The following YPEL2 variants were observed in gnomAD, a reference collection of about 807,000 sequenced individuals.
The protein encoded by YPEL2 is protein yippee-like 2.
Under a neutral mutation model 19.1 loss-of-function variants are expected in YPEL2, and 2 were observed. The observed-to-expected ratio is 0.10, with a 90% CI of 0.04 to 0.33. The LOEUF is 0.33. YPEL2 is among the 10% of genes least tolerant of loss of function. The pLI is 1.00. For missense variants in YPEL2, 66 were observed against 140.7 expected (o/e 0.47, Z 2.68); for synonymous variants, 52 against 50.0 (o/e 1.04, Z -0.17).
intron 1 of YPEL2, among the ~76,000 whole-genome samples, chr17:59,337,481 G>C (rs572395600): frequency 8.5e-4 from 129 of 152,108 alleles, no homozygotes; most frequent in Non-Finnish European, 1.4e-3. Flanking sequence ...GAGCCACCGC[G>C]CCCGGCCGGG....
chr17:59,393,437 A>AT (rs1015785480), intron 4 of YPEL2, among the ~76,000 whole-genome samples: 17 of 138,708 alleles, frequency 1.2e-4, no homozygotes, highest in Admixed American at 1.4e-4. Context: ...GCCTGGCCGA[A>AT]TTTTTTTTTT....
At chr17:59,355,820 C>T (rs2147941340) in intron 2 of YPEL2, 1 of 152,326 alleles carries the variant, frequency 6.6e-6, no homozygotes, top group South Asian at 2.1e-4. Context: ...ATTCACAAGT[C>T]CAGGCCAAAG....
chr17:59,389,899 T>C (rs9898202), intron 4 of YPEL2, among the ~76,000 whole-genome samples: 1,974 of 152,308 alleles, frequency 0.013, 46 homozygotes, highest in African/African-American at 0.045. Context: ...TATTCTGTTA[T>C]TTATTTTTTA....
At chr17:59,347,426 C>T (rs538794884) in intron 1 of YPEL2, among the ~76,000 whole-genome samples, 159 of 152,316 alleles carry the variant, frequency 1.0e-3, no homozygotes, top group African/African-American at 2.5e-3. Context: ...TGTGTCCAGC[C>T]GGTCCTGTCT....
rs368328082 is a variant in YPEL2, at chr17:59,360,719, AAAG to A, written c.117+7196_117+7198del. ...GTTACTTTACAGTGTTTCTTGGTGA[AAAG>A]AAACTATTTGGGGCTCGTGTAAAGT... On this transcript the variant is annotated intron_variant, in intron 2 of 4. Transcript: ENST00000312655. Among the ~76,000 whole-genome samples the A allele has an allele frequency of 1.6e-3, 194 of 124,082 alleles. 1 individual carries two copies. The highest frequency in any genetic ancestry group is 6.5e-3 in the African/African-American group (185 of 28,388). 81.4% of individuals were successfully genotyped at this position (124,082 alleles called of 152,430 possible). A position where few individuals can be genotyped will look rare whatever the true frequency, so the allele number is the denominator to read the frequency against.
chr17:59,397,345 C>T lies in YPEL2; in HGVS notation c.*155C>T, dbSNP rs547702527. On this transcript the variant is annotated 3_prime_UTR_variant, in exon 5 of 5. Coordinates refer to ENST00000312655, the MANE Select transcript of YPEL2 (RefSeq NM_001005404.4). ...ACCCTGACGCCATCTTTCTGGTGAC[C>T]GGCCTCTAAATCGCTGTCTCTCTGT... The T allele has an allele frequency of 2.0e-4, 97 of 474,758 alleles. No homozygotes were observed. Among genetic ancestry groups the T allele is most frequent in the Non-Finnish European group, 2.9e-4 (77 of 266,590 alleles). The allele number at this position is 474,758 out of a possible 1,614,324, so 29.4% of individuals were successfully genotyped here.
At chr17:59,371,555 GTC>G (rs1433835184) in intron 2 of YPEL2, among the ~76,000 whole-genome samples, 1 of 152,214 alleles carries the variant, frequency 6.6e-6, no homozygotes, top group Admixed American at 6.5e-5. Flanking sequence ...GCCAGGCTCT[GTC>G]TCTGCAGAGT....
At chr17:59,357,856 ATGCCAACACACGGT>A (rs2047820679) in intron 2 of YPEL2, among the ~76,000 whole-genome samples, 1 of 152,108 alleles carries the variant, frequency 6.6e-6, no homozygotes, top group Non-Finnish European at 1.5e-5. Context: ...CTGTGACTTC[ATGCCAACACACGGT>A]TGCTTTAGTG....
In YPEL2 at chr17:59,335,519, A is replaced by G. The variant is rs528456626; in HGVS notation, c.-196+3695A>G. On this transcript the variant is annotated intron_variant, in intron 1 of 4. Coordinates refer to ENST00000312655, the MANE Select transcript of YPEL2 (RefSeq NM_001005404.4). ...CTTAGGTTTGTCATAGGGCTTTTCTACTGGTAGTAACTCTTTCCAGGATTC... is the reference window on the plus strand; with the variant it reads ...CTTAGGTTTGTCATAGGGCTTTTCTGCTGGTAGTAACTCTTTCCAGGATTC... Among the ~76,000 whole-genome samples the G allele has an allele frequency of 7.9e-5, 12 of 152,118 alleles. No individual in the cohort carries two copies. The South Asian group carries it at 2.5e-3, about 32-fold the overall frequency.
Position 59,397,191 on chromosome 17 carries a change from T to G in YPEL2, c.*1T>G. On this transcript the variant is annotated 3_prime_UTR_variant, in exon 5 of 5. Transcript: ENST00000312655. ...GATCAAGGACAATGGCTGGGACTGA[T>G]TGGACAGCATCTACCCAACCCAGTG... The G allele has an allele frequency of 1.9e-6, 3 of 1,604,046 alleles. No homozygotes were observed. Among genetic ancestry groups the G allele is most frequent in the Non-Finnish European group, 2.6e-6 (3 of 1,175,422 alleles).
chr17:59,349,311 C>T (rs1171106435), intron 1 of YPEL2, among the ~76,000 whole-genome samples: 1 of 150,808 alleles, frequency 6.6e-6, no homozygotes, highest in African/African-American at 2.4e-5. Context: ...GCTTGTTCCT[C>T]TCATGCAGCC....
At chr17:59,337,635 T>C (rs1045361927) in intron 1 of YPEL2, among the ~76,000 whole-genome samples, 5 of 152,212 alleles carry the variant, frequency 3.3e-5, no homozygotes, top group Admixed American at 3.3e-4. Context: ...TTGCTTTGGC[T>C]ACCAGGAAGT....
chr17:59,359,534 A>G (rs1485492539), intron 2 of YPEL2, among the ~76,000 whole-genome samples: 2 of 152,238 alleles, frequency 1.3e-5, no homozygotes, highest in Non-Finnish European at 2.9e-5. Context: ...AAGAATATAT[A>G]CAATATGAGA....
Position 59,364,944 on chromosome 17 carries a change from T to A in YPEL2, c.117+11418T>A, listed in dbSNP as rs193075744. Among the ~76,000 whole-genome samples the A allele has an allele frequency of 1.7e-3, 252 of 152,336 alleles. 4 individuals are homozygous for A. Among genetic ancestry groups the A allele is most frequent in the African/African-American group, 5.7e-3 (239 of 41,572 alleles). ...ACTGCGCCCATCCGCCTTTGCGTCT[T>A]AATGGCCTCACTGGCAAATGGGAAT... On this transcript the variant is annotated intron_variant, in intron 2 of 4. Coordinates refer to ENST00000312655, the MANE Select transcript of YPEL2 (RefSeq NM_001005404.4).
chr17:59,363,428 C>A (rs769928809), intron 2 of YPEL2: 7 of 152,390 alleles, frequency 4.6e-5, no homozygotes, highest in Admixed American at 3.3e-4. Flanking sequence ...CTGCCTCAGC[C>A]TCCCAAGTAG....
intron 1 of YPEL2, among the ~76,000 whole-genome samples, chr17:59,346,897 C>T (rs553406630): frequency 2.2e-4 from 33 of 152,084 alleles, no homozygotes; most frequent in African/African-American, 5.6e-4. Flanking sequence ...ACCATGGAAG[C>T]GTAAAGTGCA....
At chr17:59,390,472 C>A (rs925479332) in intron 4 of YPEL2, among the ~76,000 whole-genome samples, 1 of 152,198 alleles carries the variant, frequency 6.6e-6, no homozygotes, top group Non-Finnish European at 1.5e-5. Flanking sequence ...AGCCACTGTA[C>A]TTTGATACTC....
intron 2 of YPEL2, among the ~76,000 whole-genome samples, chr17:59,364,703 C>T (rs561692481): frequency 2.6e-5 from 4 of 151,942 alleles, no homozygotes; most frequent in South Asian, 4.2e-4. Flanking sequence ...CTGCAACCTC[C>T]ACCTCCCGAG....
In YPEL2 at chr17:59,380,562, G is replaced by A. The variant is rs534814278; in HGVS notation, c.118-7765G>A. 6.9e-4 allele frequency among the ~76,000 whole-genome samples: 105 copies of A among 152,262 alleles called. 4 individuals are homozygous for A. The South Asian group carries it at 0.021, about 30-fold the overall frequency. Reference sequence around the variant, plus strand: ...TAGGATTACAAGCATGAGCCACCACGGCCAGCCCTAACTTATCTTTTACAC... The same window carrying A: ...TAGGATTACAAGCATGAGCCACCACAGCCAGCCCTAACTTATCTTTTACAC... On this transcript the variant is annotated intron_variant, in intron 2 of 4. Transcript: ENST00000312655.
Sources: gnomAD v4.1 joint callset for allele counts (sites outside exome capture counted in the v4.1 genomes callset) on GRCh38, gnomAD v4.1.1 for gene constraint, MANE v1.5 for transcripts, NCBI Gene and HGNC (gene_info 2026-07-23, HGNC 2026-07-21) for gene names.